The following ASB15 variants were observed in gnomAD, a reference collection of about 807,000 sequenced individuals.
The protein encoded by ASB15 is ankyrin repeat and SOCS box containing 15, also known as ankyrin repeat and SOCS box protein 15.
ASB15 carries 54 observed loss-of-function variants against 58.0 expected under a neutral mutation model. The observed-to-expected ratio is 0.93, with a 90% confidence interval of 0.75 to 1.17. The LOEUF (loss-of-function observed/expected upper bound fraction) is 1.17. Among genes scored for constraint, ASB15 ranks in the 50% most tolerant of loss-of-function variants. ASB15 has a pLI of 0.00. For missense variants in ASB15, 680 were observed against 707.4 expected, an observed-to-expected ratio of 0.96 and a Z score of 0.44; for synonymous variants, 249 against 262.4, an observed-to-expected ratio of 0.95 and a Z score of 0.50.
intron 3 of ASB15, among the ~76,000 whole-genome samples, chr7:123,610,606 C>T (rs1384776094): frequency 2.0e-5 from 3 of 152,118 alleles, no homozygotes; most frequent in South Asian, 4.1e-4. Flanking sequence ...CCATAAGTTC[C>T]CTAAAATCGC....
chr7:123,584,397 T>C (rs577760081), intron 1 of ASB15, among the ~76,000 whole-genome samples: 40 of 151,584 alleles, frequency 2.6e-4, no homozygotes, highest in South Asian at 1.2e-3. Context: ...GGGAGGCGGC[T>C]AGGCATCAGT....
rs1326536973 is a variant in ASB15 at position 123,601,888 on chromosome 7, A to G, written c.-271A>G. 1.3e-5 allele frequency: 2 copies of G among 152,330 alleles called. No homozygotes were observed. The highest frequency in any genetic ancestry group is 3.9e-4 in the East Asian group (2 of 5,186). 9.4% of individuals were successfully genotyped at this position (152,330 alleles called of 1,614,324 possible). A position where few individuals can be genotyped will look rare whatever the true frequency, so the allele number is the denominator to read the frequency against. ...ATTTAGGAAGGCAAGTCCCTGGATA[A>G]GAATGACAAGATGATCATTCCAAAA... On this transcript the variant is annotated 5_prime_UTR_variant, in exon 1 of 12. Transcript: ENST00000451215.
intron 11 of ASB15, among the ~76,000 whole-genome samples, chr7:123,635,915 T>G (rs1802404183): frequency 6.6e-6 from 1 of 152,208 alleles, no homozygotes; most frequent in South Asian, 2.1e-4. Flanking sequence ...TATCATCAAA[T>G]GTAATAGAGA....
upstream of ASB15, among the ~76,000 whole-genome samples, chr7:123,600,121 C>T (rs946002685): frequency 6.6e-6 from 1 of 152,110 alleles, no homozygotes; most frequent in African/African-American, 2.4e-5. Context: ...GTGCCATGGT[C>T]ATTGTATCAT....
chr7:123,595,998 T>A (rs1436502599), intron 1 of ASB15, among the ~76,000 whole-genome samples: 2 of 152,230 alleles, frequency 1.3e-5, no homozygotes, highest in African/African-American at 2.4e-5. Context: ...ACATTTTAAA[T>A]CTTGAAATCA....
intron 7 of ASB15, among the ~76,000 whole-genome samples, chr7:123,623,894 G>A (rs1584801636): frequency 1.5e-5 from 1 of 64,568 alleles, no homozygotes; most frequent in Non-Finnish European, 2.9e-5. Context: ...AAAGAAGAAA[G>A]AAAGAATGGA....
intron 1 of ASB15, among the ~76,000 whole-genome samples, chr7:123,582,014 A>G (rs1799248247): frequency 6.6e-6 from 1 of 152,020 alleles, no homozygotes; most frequent in Non-Finnish European, 1.5e-5. Flanking sequence ...CTCCATTTCC[A>G]TTTGTGAATA....
At chr7:123,595,081 C>T (rs1468064330) in intron 1 of ASB15, among the ~76,000 whole-genome samples, 1 of 152,182 alleles carries the variant, frequency 6.6e-6, no homozygotes, top group Non-Finnish European at 1.5e-5. Flanking sequence ...TAGCAGCAAG[C>T]AAGGCTCCGT....
At position 123,570,931 on chromosome 7, in the gene ASB15, G is replaced by C. The variant is rs1284187513; in HGVS notation, c.-443+3843G>C. ...CTAAAACTTACCAGCTGTACGGCCTGGGTGAGTCCTTTAACTCCTCTGGAA... is the reference window on the plus strand; with the variant it reads ...CTAAAACTTACCAGCTGTACGGCCTCGGTGAGTCCTTTAACTCCTCTGGAA... On this transcript the variant is annotated intron_variant, in intron 1 of 13. Coordinates refer to the ASB15 transcript ENST00000451558. Among the ~76,000 whole-genome samples the C allele has an allele frequency of 2.0e-5, 3 of 152,148 alleles. No individual in the cohort carries two copies. In the East Asian group the frequency reaches 5.8e-4, roughly 29 times the overall value.
chr7:123,586,296 T>C (rs964886230), intron 1 of ASB15, among the ~76,000 whole-genome samples: 1 of 151,802 alleles, frequency 6.6e-6, no homozygotes, highest in Non-Finnish European at 1.5e-5. Flanking sequence ...TGCTGTCTCT[T>C]TGTGGTTTTC....
intron 7 of ASB15, 116 bp from the exon 8 acceptor site, chr7:123,624,453 A>G (rs1801629114): frequency 1.0e-6 from 1 of 963,694 alleles, no homozygotes. Flanking sequence ...TTTTCCTTGT[A>G]GAAAAAAAGT....
Position 123,630,104 on chromosome 7 carries a change from A to G in ASB15, c.1579A>G (p.Ile527Val). Reference protein sequence around the residue: ...ALEVQREWPEIRQILENPCSL... With the variant: ...ALEVQREWPEVRQILENPCSL... ...AGAAGTACAGAGAGAATGGCCAGAA[A>G]TCCGCCAAATACTAGGTAAAAACCA... The change falls in exon 11 of 12, where the codon ATC becomes GTC. Residue 527 changes from isoleucine (I) to valine (V), a missense_variant. Coordinates refer to ENST00000451215, the MANE Select transcript of ASB15 (RefSeq NM_001290258.2). 11 of 1,592,850 alleles carry G rather than the reference A, an allele frequency of 6.9e-6. No individual in the cohort carries two copies. Among genetic ancestry groups the G allele is most frequent in the Non-Finnish European group, 9.4e-6 (11 of 1,167,748 alleles).
Position 123,628,923 on chromosome 7 carries a change from C to T in ASB15, c.929C>T (p.Thr310Ile). 1 of 1,600,562 alleles carries T rather than the reference C, an allele frequency of 6.2e-7. No homozygotes were observed. The highest frequency in any genetic ancestry group is 8.5e-7 in the Non-Finnish European group (1 of 1,174,258). ...SKNAIRKSGLTPIHSAADGQN... is the reference protein window; with the variant it reads ...SKNAIRKSGLIPIHSAADGQN... ...AATGCAATTCGGAAAAGTGGGCTAA[C>T]ACCAATTCACTCAGCAGCAGATGGA... is the stretch of plus-strand genomic sequence containing the variant. Residue 310 changes from threonine (T) to isoleucine (I), a missense_variant, in exon 10 of 12, where the codon ACA becomes ATA. Transcript: ENST00000451215.
chr7:123,611,100 A>G (rs866570021), intron 3 of ASB15, among the ~76,000 whole-genome samples: 1,513 of 150,162 alleles, frequency 0.01, 84 homozygotes, highest in Admixed American at 0.078. Context: ...AAAAAAAAAA[A>G]AAAAGAAAAG....
intron 7 of ASB15, among the ~76,000 whole-genome samples, chr7:123,619,445 G>A (rs1473817681): frequency 6.6e-6 from 1 of 152,104 alleles, no homozygotes; most frequent in African/African-American, 2.4e-5. Context: ...ATAGGGGAAC[G>A]GCAGGTGTTC....
At position 123,629,121 on chromosome 7, in the gene ASB15, C is replaced by T. The variant is rs771688658; in HGVS notation, c.1127C>T (p.Pro376Leu). 4 of 1,614,096 alleles carry T rather than the reference C, an allele frequency of 2.5e-6. No homozygotes were observed. In the East Asian group the frequency reaches 6.7e-5, roughly 27 times the overall value. Residue 376 changes from proline to leucine, a missense_variant, in exon 10 of 12, where the codon CCA (proline) becomes CTA (leucine). Transcript: ENST00000451215. The part of the protein sequence containing the change: ...TEVLLAAGAD[P>L]NLDPLNCLLV... ...GTCCTTCTGGCTGCAGGTGCAGACC[C>T]AAACTTAGATCCCCTCAACTGTCTA...
intron 1 of ASB15, among the ~76,000 whole-genome samples, chr7:123,602,858 T>C (rs1030823652): frequency 1.3e-5 from 2 of 152,178 alleles, no homozygotes; most frequent in Non-Finnish European, 2.9e-5. Context: ...GTTAAGCGTG[T>C]GTGGCCTCCA....
chr7:123,632,080 A>T lies in ASB15; in HGVS notation c.1594+1961A>T, dbSNP rs181126847. 1.4e-3 allele frequency among the ~76,000 whole-genome samples: 210 copies of T among 151,764 alleles called. 1 individual carries two copies. The highest frequency in any genetic ancestry group is 4.6e-3 in the African/African-American group (190 of 41,442). ...GCGACAGAGCGAGACTCCATCTCAAAAATAATAATAATAATAATAATAGAA... is the reference window on the plus strand; with the variant it reads ...GCGACAGAGCGAGACTCCATCTCAATAATAATAATAATAATAATAATAGAA... On this transcript the variant is annotated intron_variant, in intron 11 of 11. Coordinates refer to ENST00000451215, the MANE Select transcript of ASB15 (RefSeq NM_001290258.2).
intron 1 of ASB15, among the ~76,000 whole-genome samples, chr7:123,576,784 A>G (rs1799077954): frequency 6.6e-6 from 1 of 152,208 alleles, no homozygotes; most frequent in South Asian, 2.1e-4. Context: ...TGGCATGTCT[A>G]AGATCTGCTG....
Sources: gnomAD v4.1 joint callset for allele counts (sites outside exome capture counted in the v4.1 genomes callset) on GRCh38, gnomAD v4.1.1 for gene constraint, MANE v1.5 for transcripts, NCBI Gene and HGNC (gene_info 2026-07-23, HGNC 2026-07-21) for gene names.